CRTAC1: variants seen among roughly 807,000 people sequenced by gnomAD.
CRTAC1 encodes acidic secreted protein in cartilage.
Under a neutral mutation model 67.8 loss-of-function variants are expected in CRTAC1, and 37 were observed. The ratio of observed to expected loss-of-function variants is 0.55; its 90% CI spans 0.42 to 0.72. The LOEUF is 0.72. Among genes scored for constraint, CRTAC1 ranks in the 30% least tolerant of loss-of-function variants. The pLI, the probability that CRTAC1 is intolerant of heterozygous loss-of-function variation, is 0.00. For missense variants in CRTAC1, 780 were observed against 931.6 expected (o/e 0.84, Z 2.12); for synonymous variants, 348 against 371.0 (o/e 0.94, Z 0.71).
intron 7 of CRTAC1, among the ~76,000 whole-genome samples, chr10:97,902,619 C>T (rs916351781): frequency 6.6e-6 from 1 of 152,128 alleles, no homozygotes; most frequent in South Asian, 2.1e-4. Context: ...AGCGTAATAT[C>T]CTCATCATAG....
At chr10:97,915,249 A>G (rs2050742553) in intron 5 of CRTAC1, among the ~76,000 whole-genome samples, 1 of 152,188 alleles carries the variant, frequency 6.6e-6, no homozygotes, top group African/African-American at 2.4e-5. Context: ...GTCATCGGAA[A>G]GGTCAGCGGG....
chr10:97,895,953 T>C lies in CRTAC1; in HGVS notation c.1249A>G (p.Met417Val). 1.2e-6 allele frequency: 2 copies of C among 1,614,100 alleles called. No individual in the cohort carries two copies. Among genetic ancestry groups the C allele is most frequent in the Non-Finnish European group, 1.7e-6 (2 of 1,179,996 alleles). The change falls in exon 10 of 15, where the codon ATG becomes GTG. Residue 417 changes from methionine (M) to valine (V), a missense_variant. Coordinates refer to ENST00000370597, the MANE Select transcript of CRTAC1 (RefSeq NM_018058.7). This position sits in a 1 kb window ranked among gnomAD's most constrained non-coding sequence, Gnocchi z 4.2. The stretch of plus-strand genomic sequence containing the variant: ...CCATGGGACAAGATGAGGTCCAGCA[T>C]CCCGTCTCCGTCGAAGTCGGTCACC... ...GVVTDFDGDGMLDLILSHGES... is the reference protein window; with the variant it reads ...GVVTDFDGDGVLDLILSHGES...
At chr10:97,888,012 G>T (rs910837373) in intron 11 of CRTAC1, among the ~76,000 whole-genome samples, 1 of 152,242 alleles carries the variant, frequency 6.6e-6, no homozygotes, top group Non-Finnish European at 1.5e-5. Context: ...GAGATGAGAA[G>T]GTGGAGCCAT....
At chr10:97,906,087 C>G (rs578230113) in intron 6 of CRTAC1, among the ~76,000 whole-genome samples, 28 of 152,290 alleles carry the variant, frequency 1.8e-4, no homozygotes, top group Non-Finnish European at 1.9e-4. Context: ...CCCCAGGACA[C>G]AGGGAGCTCT....
rs541494060 is a variant in CRTAC1, at chr10:98,022,620, G to A, written c.24+7829C>T. On this transcript the variant is annotated intron_variant, in intron 1 of 14. Transcript: ENST00000370597. Reference sequence around the variant, plus strand: ...AATGTCTGGGATATGGGGTGGAGGGGAGAGAGAAGAGGGGAGGGTGGGGAC... The same window carrying A: ...AATGTCTGGGATATGGGGTGGAGGGAAGAGAGAAGAGGGGAGGGTGGGGAC... 2.6e-5 allele frequency among the ~76,000 whole-genome samples: 4 copies of A among 151,604 alleles called. No homozygotes were observed. In the South Asian group the frequency reaches 8.4e-4, roughly 32 times the overall value.
chr10:97,873,556 G>A (rs931092386), intron 14 of CRTAC1, among the ~76,000 whole-genome samples: 2 of 152,202 alleles, frequency 1.3e-5, no homozygotes, highest in African/African-American at 4.8e-5. Context: ...AAGAGGATGT[G>A]CTTTTTTCCT....
At chr10:97,903,286 G>C (rs1326421835) in intron 7 of CRTAC1, among the ~76,000 whole-genome samples, 3 of 146,740 alleles carry the variant, frequency 2.0e-5, no homozygotes, top group Non-Finnish European at 4.5e-5. Context: ...GATGCCAGGA[G>C]CCCTCCCTTC....
At chr10:97,962,874 G>T (rs1213717676) in intron 2 of CRTAC1, among the ~76,000 whole-genome samples, 1 of 149,960 alleles carries the variant, frequency 6.7e-6, no homozygotes, top group Non-Finnish European at 1.5e-5. Flanking sequence ...GAAAAGAATA[G>T]CAAAAAAAAC....
chr10:97,899,116 C>T (rs1000345572), intron 8 of CRTAC1, among the ~76,000 whole-genome samples: 7 of 152,160 alleles, frequency 4.6e-5, no homozygotes, highest in African/African-American at 1.4e-4. Context: ...GAAAAGCCCC[C>T]GTGGTGTGGG....
Position 97,895,758 on chromosome 10 carries a change from C to G in CRTAC1, c.1317+127G>C. The G allele has an allele frequency of 5.4e-6, 4 of 738,306 alleles. No homozygotes were observed. The South Asian group carries it at 7.6e-5, about 14-fold the overall frequency. The allele number at this position is 738,306 out of a possible 1,614,324, so 45.7% of individuals were successfully genotyped here. ...GCTGCTGGAATTTACTTCCCTCCTC[C>G]AGGGCCCGGGACTTCCATTACCCAC... On this transcript the variant is annotated intron_variant, in intron 10 of 14. Coordinates refer to ENST00000370597, the MANE Select transcript of CRTAC1 (RefSeq NM_018058.7). This position sits in a 1 kb window ranked among gnomAD's most constrained non-coding sequence, Gnocchi z 4.2.
intron 11 of CRTAC1, among the ~76,000 whole-genome samples, chr10:97,887,938 A>G (rs1413495089): frequency 6.6e-6 from 1 of 152,276 alleles, no homozygotes; most frequent in Non-Finnish European, 1.5e-5. Context: ...GTGCTTTATG[A>G]TGCTAACGCA....
At chr10:98,013,755 T>C (rs1842950577) in intron 1 of CRTAC1, among the ~76,000 whole-genome samples, 1 of 152,234 alleles carries the variant, frequency 6.6e-6, no homozygotes, top group African/African-American at 2.4e-5. Flanking sequence ...GGCCAACCCA[T>C]GTGGTTTTCC....
chr10:97,999,157 C>T (rs1438668735), intron 2 of CRTAC1, among the ~76,000 whole-genome samples: 1 of 152,250 alleles, frequency 6.6e-6, no homozygotes, highest in East Asian at 1.9e-4. Context: ...ACAGCTGCAG[C>T]TGCCCAAACC....
chr10:97,959,678 G>A (rs541955910), intron 2 of CRTAC1, among the ~76,000 whole-genome samples: 3 of 152,286 alleles, frequency 2.0e-5, no homozygotes, highest in South Asian at 2.1e-4. Flanking sequence ...CCAACTCACC[G>A]CCACTGGGCC....
chr10:97,949,618 G>A (rs532703515), intron 2 of CRTAC1, among the ~76,000 whole-genome samples: 20 of 152,224 alleles, frequency 1.3e-4, no homozygotes, highest in Non-Finnish European at 2.2e-4. Context: ...ACAGAGTGGC[G>A]GAGAGAGCCC....
intron 2 of CRTAC1, among the ~76,000 whole-genome samples, chr10:97,982,717 G>A (rs753544019): frequency 7.9e-5 from 12 of 152,220 alleles, no homozygotes; most frequent in South Asian, 6.2e-4. Context: ...CCCCAGAAGC[G>A]CCGCAATTGT....
chr10:97,912,008 C>T (rs1195463718), intron 5 of CRTAC1, among the ~76,000 whole-genome samples: 2 of 152,108 alleles, frequency 1.3e-5, no homozygotes, highest in African/African-American at 4.8e-5. Flanking sequence ...TGGGAGACAC[C>T]ACGGCACCGG....
In CRTAC1 at chr10:97,925,604, G is replaced by A. The variant is rs143534735; in HGVS notation, c.422-2204C>T. 3.5e-4 allele frequency among the ~76,000 whole-genome samples: 52 copies of A among 148,572 alleles called. 1 individual carries two copies. The highest frequency in any genetic ancestry group is 1.1e-3 in the African/African-American group (45 of 40,236). ...AGAGTGGGGATGAGAGTGTGAGAGC[G>A]GGGATGAGTGAGAGTGAGTGTGAGG... On this transcript the variant is annotated intron_variant, in intron 3 of 14. Transcript: ENST00000370597.
intron 2 of CRTAC1, among the ~76,000 whole-genome samples, chr10:97,980,522 C>T (rs79677997): frequency 0.012 from 1,901 of 152,328 alleles, 47 homozygotes; most frequent in African/African-American, 0.044. Flanking sequence ...TCCACTTCCA[C>T]AAAACGTTAC....
Sources: gnomAD v4.1 joint callset for allele counts (sites outside exome capture counted in the v4.1 genomes callset) on GRCh38, gnomAD v4.1.1 for gene constraint, Gnocchi (gnomAD v3.1) non-coding constraint, MANE v1.5 for transcripts, NCBI Gene and HGNC (gene_info 2026-07-23, HGNC 2026-07-21) for gene names.